Variants in GRAMD1B observed in about 807,000 individuals in gnomAD.
GRAMD1B encodes protein Aster-B.
A neutral mutation model predicts 99.7 loss-of-function variants in GRAMD1B; 37 were observed. That is an observed-to-expected ratio of 0.37 (90% CI 0.29 to 0.49). The LOEUF is 0.49. Among genes scored for constraint, GRAMD1B ranks in the 20% least tolerant of loss-of-function variants. The pLI, the probability that GRAMD1B is intolerant of heterozygous loss-of-function variation, is 0.98. For missense variants in GRAMD1B, 888 were observed against 1,009.2 expected (o/e 0.88, Z 1.63); for synonymous variants, 427 against 387.6 (o/e 1.10, Z -1.19).
intron 2 of GRAMD1B, among the ~76,000 whole-genome samples, chr11:123,559,185 C>T (rs549674004): frequency 6.6e-6 from 1 of 152,336 alleles, no homozygotes; most frequent in African/African-American, 2.4e-5. Context: ...CCTGCTCTAT[C>T]AGAATCTGTG....
In GRAMD1B at chr11:123,587,213, T is replaced by C. The variant is rs75830339; in HGVS notation, c.684+2881T>C. The stretch of plus-strand genomic sequence containing the variant: ...CATGCTTGGTCTAAAGAGTGAGTCA[T>C]GCGGAGGCAAGTGGCTGGACCCCAG... On this transcript the variant is annotated intron_variant, in intron 4 of 19. Transcript: ENST00000635736. The surrounding 1 kb of genome is among the most constrained non-coding windows in gnomAD (Gnocchi z 4.2). Among the ~76,000 whole-genome samples, 2,965 of 152,240 alleles carry C rather than the reference T, an allele frequency of 0.019. 69 individuals carry two copies. Among genetic ancestry groups the C allele is most frequent in the African/African-American group, 0.056 (2,307 of 41,546 alleles).
chr11:123,514,583 C>T (rs527755838), intron 2 of GRAMD1B, among the ~76,000 whole-genome samples: 5 of 152,224 alleles, frequency 3.3e-5, no homozygotes, highest in South Asian at 2.1e-4. Context: ...GCCCAGGGCA[C>T]GACAAGTAGC....
chr11:123,613,454 G>A lies in GRAMD1B; in HGVS notation c.2024-1G>A. On this transcript the variant is annotated splice_acceptor_variant, in intron 15 of 19. Transcript: ENST00000635736. LOFTEE classifies it high-confidence loss of function. ...TCCTGTGGTCCTTTTGTCTCTGATA[G>A]AGAGCGAGCTGGCCAAAACGGAGAG... 6.2e-7 allele frequency: 1 copy of A among 1,606,036 alleles called. No individual in the cohort carries two copies. The highest frequency in any genetic ancestry group is 8.5e-7 in the Non-Finnish European group (1 of 1,175,818).
At chr11:123,363,436 A>T (rs1427558120) in intron 1 of GRAMD1B, among the ~76,000 whole-genome samples, 1 of 152,158 alleles carries the variant, frequency 6.6e-6, no homozygotes, top group Non-Finnish European at 1.5e-5. Flanking sequence ...CCTGTAAAGA[A>T]CTGTTTTGAT....
chr11:123,422,920 T>C (rs75330299), intron 1 of GRAMD1B, among the ~76,000 whole-genome samples: 2,537 of 137,344 alleles, frequency 0.018, 57 homozygotes, highest in African/African-American at 0.07. Flanking sequence ...ATTGTAGTTC[T>C]TGGACTGGTT....
chr11:123,559,726 T>G (rs904101419), intron 2 of GRAMD1B: 1 of 977,752 alleles, frequency 1.0e-6, no homozygotes, highest in Non-Finnish European at 1.2e-6. Flanking sequence ...TCTTGCTGTC[T>G]GTGAGAGCCT....
intron 3 of GRAMD1B, among the ~76,000 whole-genome samples, chr11:123,579,566 G>A (rs1949104101): frequency 6.6e-6 from 1 of 152,176 alleles, no homozygotes; most frequent in South Asian, 2.1e-4. Context: ...TGGGAATGGG[G>A]TTTTGAAATG....
In GRAMD1B at chr11:123,600,489, G is replaced by T. The variant is rs753231387; in HGVS notation, c.991G>T (p.Ala331Ser). The change falls in exon 8 of 20, where the codon GCC becomes TCC. Residue 331 changes from alanine to serine, a missense_variant. Ala to Ser is a moderately conservative substitution (Grantham distance 99, BLOSUM62 1). Around this residue, in one of 5 missense-constraint regions of GRAMD1B, gnomAD observed 269 missense variants for 296.6 expected, o/e 0.91. Coordinates refer to ENST00000635736, the MANE Select transcript of GRAMD1B (RefSeq NM_001387025.1). ...SEKHFFTSFG[A>S]RDRTYMMMFR... ...CTAGCACTTCTTCACTTCGTTTGGG[G>T]CCCGGGATAGGACATATATGATGAT... is the stretch of plus-strand genomic sequence containing the variant. The T allele has an allele frequency of 3.8e-5, 61 of 1,610,496 alleles. No individual in the cohort carries two copies. The highest frequency in any genetic ancestry group is 5.0e-5 in the Non-Finnish European group (59 of 1,177,292).
intron 1 of GRAMD1B, among the ~76,000 whole-genome samples, chr11:123,415,850 A>G (rs1415935142): frequency 6.6e-6 from 1 of 152,154 alleles, no homozygotes; most frequent in Admixed American, 6.5e-5. Flanking sequence ...TTTTGGACCA[A>G]TATGCATCTT....
chr11:123,451,121 T>C (rs1458156696), intron 1 of GRAMD1B, among the ~76,000 whole-genome samples: 1 of 152,154 alleles, frequency 6.6e-6, no homozygotes, highest in Non-Finnish European at 1.5e-5. Flanking sequence ...ATGCAGACAA[T>C]AGCAATTTAT....
chr11:123,505,832 CTCTT>C lies in GRAMD1B; in HGVS notation c.452+24944_452+24947del, dbSNP rs975285851. 2.6e-5 allele frequency among the ~76,000 whole-genome samples: 4 copies of C among 152,208 alleles called. No homozygotes were observed. In the South Asian group the frequency reaches 8.3e-4, roughly 32 times the overall value. ...GCCCTCTTTCTCTTTCACTCTCTCT[CTCTT>C]TCTTCCTTCTTCTTTCTTTCTCTCC... On this transcript the variant is annotated intron_variant, in intron 2 of 19. Transcript: ENST00000635736.
intron 2 of GRAMD1B, among the ~76,000 whole-genome samples, chr11:123,496,226 T>G (rs1423737189): frequency 6.6e-6 from 1 of 152,196 alleles, no homozygotes; most frequent in African/African-American, 2.4e-5. Context: ...TTTCACCAGA[T>G]GTACTATTCT....
chr11:123,405,192 A>ATGTGTG (rs145624429), intron 1 of GRAMD1B, among the ~76,000 whole-genome samples: 4 of 147,938 alleles, frequency 2.7e-5, no homozygotes, highest in South Asian at 2.2e-4. Context: ...TCATGTGTGC[A>ATGTGTG]TGTGTGTGTG....
At chr11:123,384,335 C>A (rs921413702) in intron 1 of GRAMD1B, among the ~76,000 whole-genome samples, 7 of 152,200 alleles carry the variant, frequency 4.6e-5, no homozygotes, top group African/African-American at 1.7e-4. Context: ...TGGCCTATTT[C>A]TAGACCTCAT....
chr11:123,597,821 G>A, intron 7 of GRAMD1B: 1 of 628,704 alleles, frequency 1.6e-6, no homozygotes, highest in Non-Finnish European at 2.9e-6. Flanking sequence ...TCTACAAGTT[G>A]CATGCTAGAC....
chr11:123,600,482 G>T lies in GRAMD1B; in HGVS notation c.984G>T (p.Ser328=), dbSNP rs373203630. 5 of 1,608,402 alleles carry T rather than the reference G, an allele frequency of 3.1e-6. No homozygotes were observed. The highest frequency in any genetic ancestry group is 2.2e-5 in the East Asian group (1 of 44,748). Residue 328 remains serine, a synonymous_variant, in exon 8 of 20, where the codon TCG becomes TCT. Transcript: ENST00000635736. ...TTCCAATCTAGCACTTCTTCACTTC[G>T]TTTGGGGCCCGGGATAGGACATATA... is the stretch of plus-strand genomic sequence containing the variant. The part of the protein sequence containing the change: ...CTDSEKHFFT[S]FGARDRTYMM...
At chr11:123,577,326 T>C (rs746942943) in intron 2 of GRAMD1B, 41 bp from the exon 3 acceptor site, 16 of 1,508,624 alleles carry the variant, frequency 1.1e-5, no homozygotes, top group South Asian at 7.2e-5. Flanking sequence ...TCCTCCTCCT[T>C]CTCTTTCCAC....
chr11:123,512,703 C>CTTTT (rs766565214), intron 2 of GRAMD1B, among the ~76,000 whole-genome samples: 11,098 of 102,754 alleles, frequency 0.11, 811 homozygotes, highest in East Asian at 0.4. Context: ...CATTGTGAAT[C>CTTTT]TTTTTTTTTT....
chr11:123,406,184 G>A (rs1021466746), intron 1 of GRAMD1B, among the ~76,000 whole-genome samples: 1 of 151,534 alleles, frequency 6.6e-6, no homozygotes, highest in African/African-American at 2.4e-5. Context: ...GACTGGTCTC[G>A]AACTCCTGAC....
Sources: gnomAD v4.1 joint callset for allele counts (sites outside exome capture counted in the v4.1 genomes callset) on GRCh38, gnomAD v4.1.1 for gene constraint, gnomAD v4.1.1 regional missense constraint, Gnocchi (gnomAD v3.1) non-coding constraint, MANE v1.5 for transcripts, NCBI Gene and HGNC (gene_info 2026-07-23, HGNC 2026-07-21) for gene names.